RSU1: variants seen among roughly 807,000 people sequenced by gnomAD.
The protein encoded by RSU1 is Ras suppressor protein 1, also known as rsu-1.
Under a neutral mutation model 31.1 loss-of-function variants are expected in RSU1, and 26 were observed. The ratio of observed to expected loss-of-function variants is 0.84; its 90% confidence interval spans 0.61 to 1.16. The LOEUF (loss-of-function observed/expected upper bound fraction) is 1.16, where lower values mean the gene tolerates loss of function less well. Among genes scored for constraint, RSU1 ranks in the 50% most tolerant of loss-of-function variants. The pLI is 0.00. For synonymous variants in RSU1, 164 were observed against 136.3 expected (o/e 1.20, Z -1.41); for missense variants, 320 against 339.1 (o/e 0.94, Z 0.44).
chr10:16,760,904 T>C (rs1432736099), intron 4 of RSU1, among the ~76,000 whole-genome samples: 1 of 152,152 alleles, frequency 6.6e-6, no homozygotes, highest in African/African-American at 2.4e-5. Context: ...CTATGCAAAT[T>C]TCTCAAGGGT....
rs1418426298 is a variant in RSU1, at chr10:16,682,564, ACACACACATG to A, written c.731+12449_731+12458del. 4.3e-4 allele frequency among the ~76,000 whole-genome samples: 64 copies of A among 148,422 alleles called. 1 individual carries two copies. The East Asian group carries it at 6.0e-3, about 14-fold the overall frequency. On this transcript the variant is annotated intron_variant, in intron 8 of 8. Transcript: ENST00000345264. ...CACACACACACACACACACACACAC[ACACACACATG>A]CATGCATGTTACCTAGGGTGGACAT...
chr10:16,661,305 T>C (rs1367705135), intron 8 of RSU1, among the ~76,000 whole-genome samples: 2 of 151,326 alleles, frequency 1.3e-5, no homozygotes, highest in African/African-American at 4.9e-5. Context: ...TGTGTGTGTG[T>C]GTGTGTGTGT....
At position 16,695,159 on chromosome 10, in the gene RSU1, G is replaced by GGGT. The variant is rs1554767087; in HGVS notation, c.599-5_599-4insACC. 15 of 1,310,300 alleles carry GGGT rather than the reference G, an allele frequency of 1.1e-5. 1 individual carries two copies. The East Asian group carries it at 5.0e-4, about 44-fold the overall frequency. The allele number at this position is 1,310,300 out of a possible 1,614,324, so 81.2% of individuals were successfully genotyped here. A position where few individuals can be genotyped will look rare whatever the true frequency, so the allele number is the denominator to read the frequency against. On this transcript the variant is annotated splice_polypyrimidine_tract_variant and splice_region_variant and intron_variant, in intron 7 of 8. Coordinates refer to ENST00000345264, the MANE Select transcript of RSU1 (RefSeq NM_012425.4). ...TGGCCAGTTAAATCCAAGTTTCCTG[G>GGGT]GGGGGGGGAAAAAAAAAGTGAAGGT...
rs781689051 is a variant in RSU1, at chr10:16,695,156, C to CT, written c.599-2dup. 25 of 1,390,908 alleles carry CT rather than the reference C, an allele frequency of 1.8e-5. No individual in the cohort carries two copies. Among genetic ancestry groups the CT allele is most frequent in the Middle Eastern group, 2.0e-4 (1 of 5,034 alleles). 86.2% of individuals were successfully genotyped at this position (1,390,908 alleles called of 1,614,324 possible). On this transcript the variant is annotated splice_acceptor_variant, in intron 7 of 8. Coordinates refer to ENST00000345264, the MANE Select transcript of RSU1 (RefSeq NM_012425.4). LOFTEE classifies it high-confidence loss of function. The stretch of plus-strand genomic sequence containing the variant: ...TTCTGGCCAGTTAAATCCAAGTTTC[C>CT]TGGGGGGGGGGAAAAAAAAAGTGAA...
intron 8 of RSU1, among the ~76,000 whole-genome samples, chr10:16,639,267 C>A (rs1233089641): frequency 6.6e-6 from 1 of 152,182 alleles, no homozygotes. Context: ...AAGCTGAAAG[C>A]AGCTTATCCA....
chr10:16,802,866 G>T (rs7921118), intron 2 of RSU1, among the ~76,000 whole-genome samples: 1 of 151,862 alleles, frequency 6.6e-6, no homozygotes, highest in African/African-American at 2.4e-5. Context: ...TAGGAATAGA[G>T]GAAGAACTTT....
intron 3 of RSU1, among the ~76,000 whole-genome samples, chr10:16,775,422 C>T (rs375286709): frequency 7.2e-5 from 11 of 152,036 alleles, no homozygotes; most frequent in East Asian, 3.9e-4. Flanking sequence ...GGAATTAGCA[C>T]GTTAGCTGGC....
chr10:16,747,624 A>T (rs1356920941), intron 7 of RSU1, among the ~76,000 whole-genome samples: 1 of 152,212 alleles, frequency 6.6e-6, no homozygotes, highest in Non-Finnish European at 1.5e-5. Flanking sequence ...TGAAGCCAGC[A>T]TCTACTCCCA....
chr10:16,674,847 A>G (rs569892787), intron 8 of RSU1, among the ~76,000 whole-genome samples: 1 of 152,250 alleles, frequency 6.6e-6, no homozygotes, highest in African/African-American at 2.4e-5. Flanking sequence ...AGCCTGGCTA[A>G]CACAGCGAAA....
chr10:16,735,324 T>C (rs1002559326), intron 7 of RSU1, among the ~76,000 whole-genome samples: 1 of 152,224 alleles, frequency 6.6e-6, no homozygotes, highest in African/African-American at 2.4e-5. Flanking sequence ...CCGCTATGTC[T>C]GCTATGGAAT....
intron 8 of RSU1, among the ~76,000 whole-genome samples, chr10:16,617,006 G>T (rs990446439): frequency 1.1e-4 from 17 of 152,158 alleles, no homozygotes; most frequent in Non-Finnish European, 7.4e-5. Flanking sequence ...TCAGGCAAGA[G>T]AAGGAAAGTA....
At chr10:16,783,467 T>C (rs534414602) in intron 2 of RSU1, among the ~76,000 whole-genome samples, 3 of 149,062 alleles carry the variant, frequency 2.0e-5, no homozygotes, top group African/African-American at 7.6e-5. Context: ...GCGATTCTCC[T>C]GCCTCAGCCT....
At chr10:16,595,174 C>G (rs1244415999) in intron 8 of RSU1, among the ~76,000 whole-genome samples, 1 of 152,180 alleles carries the variant, frequency 6.6e-6, no homozygotes, top group Non-Finnish European at 1.5e-5. Context: ...GCCTTGGCCT[C>G]CCAAAGTGGG....
intron 4 of RSU1, among the ~76,000 whole-genome samples, chr10:16,760,231 C>T (rs566734259): frequency 6.4e-4 from 97 of 152,098 alleles, no homozygotes; most frequent in Non-Finnish European, 6.9e-4. Context: ...AGTTTAGGGC[C>T]GGGCGCAGTG....
In RSU1 at chr10:16,601,010, G is replaced by C. The variant is rs530481228; in HGVS notation, c.732-7514C>G. Among the ~76,000 whole-genome samples the C allele has an allele frequency of 7.3e-4, 111 of 152,256 alleles. No homozygotes were observed. In the South Asian group the frequency reaches 1.0e-2, roughly 14 times the overall value. On this transcript the variant is annotated intron_variant, in intron 8 of 8. Transcript: ENST00000345264. ...TCATTCTTAAAAATGTCCTCGCTTG[G>C]CTCTAGGATGTCATCCTGGTTCTTG...
chr10:16,728,536 G>C (rs1017507143), intron 7 of RSU1, among the ~76,000 whole-genome samples: 7 of 152,174 alleles, frequency 4.6e-5, no homozygotes, highest in African/African-American at 1.7e-4. Context: ...AAACGCAACG[G>C]AACTATGAGG....
At chr10:16,751,487 TCA>T (rs1231666536) in intron 7 of RSU1, among the ~76,000 whole-genome samples, 1 of 152,184 alleles carries the variant, frequency 6.6e-6, no homozygotes, top group Non-Finnish European at 1.5e-5. Flanking sequence ...GCTCTGTGTC[TCA>T]GTCTTCCTAT....
Position 16,782,045 on chromosome 10 carries a change from T to C in RSU1, c.149A>G (p.Asn50Ser). Residue 50 changes from asparagine to serine, a missense_variant, in exon 3 of 9, where the codon AAC becomes AGC. Transcript: ENST00000345264. ...SHITQLVLSH[N>S]KLTMVPPNIA... The stretch of plus-strand genomic sequence containing the variant: ...GAAACATCACTTACTTGTTAGCTTG[T>C]TATGGCTGAGGACCAGTTGTGTGAT... The C allele has an allele frequency of 1.2e-6, 2 of 1,613,490 alleles. No homozygotes were observed. Among genetic ancestry groups the C allele is most frequent in the Non-Finnish European group, 8.5e-7 (1 of 1,179,798 alleles).
intron 8 of RSU1, among the ~76,000 whole-genome samples, chr10:16,610,903 A>T (rs1833881746): frequency 6.6e-6 from 1 of 152,152 alleles, no homozygotes; most frequent in South Asian, 2.1e-4. Flanking sequence ...AGTCCCGTTT[A>T]CCTAGAGATT....
Sources: gnomAD v4.1 joint callset for allele counts (sites outside exome capture counted in the v4.1 genomes callset) on GRCh38, gnomAD v4.1.1 for gene constraint, MANE v1.5 for transcripts, NCBI Gene and HGNC (gene_info 2026-07-23, HGNC 2026-07-21) for gene names.